The following CPED1 variants were observed in gnomAD, a reference collection of about 807,000 sequenced individuals.
CPED1 encodes cadherin like and PC-esterase domain containing 1, also known as cadherin-like and PC-esterase domain-containing protein 1.
In CPED1, 114 loss-of-function variants were observed where a neutral mutation model predicts 128.2. That is an observed-to-expected ratio of 0.89 (90% CI 0.76 to 1.04). CPED1 has a LOEUF of 1.04. Ranked by LOEUF, CPED1 falls within the 50% of genes least tolerant of loss-of-function variation. CPED1 has a pLI of 0.00. For missense variants in CPED1, 1,211 were observed against 1,207.1 expected (o/e 1.00, Z -0.05); for synonymous variants, 462 against 426.7 (o/e 1.08, Z -1.02).
chr7:121,082,503 G>A (rs1269173812), intron 5 of CPED1, among the ~76,000 whole-genome samples: 1 of 152,078 alleles, frequency 6.6e-6, no homozygotes, highest in Non-Finnish European at 1.5e-5. Flanking sequence ...TAATTATGGT[G>A]GGCTTTATGA....
chr7:121,229,189 T>C (rs1459060297), intron 16 of CPED1, among the ~76,000 whole-genome samples: 1 of 152,050 alleles, frequency 6.6e-6, no homozygotes, highest in African/African-American at 2.4e-5. Flanking sequence ...CACATGTACC[T>C]CATAAATCTG....
rs953180489 is a variant in CPED1 at position 121,218,224 on chromosome 7, A to C, written c.2056-18490A>C. ...TGGCCAGGCTGGTCTGAAACTCCTG[A>C]CCTCAGGTGATTTGTCCGTCTTGGA... On this transcript the variant is annotated intron_variant, in intron 16 of 22. Coordinates refer to ENST00000310396, the MANE Select transcript of CPED1 (RefSeq NM_024913.5). Among the ~76,000 whole-genome samples the C allele has an allele frequency of 2.7e-5, 4 of 149,850 alleles. No homozygotes were observed. The East Asian group carries it at 5.9e-4, about 22-fold the overall frequency.
intron 22 of CPED1, among the ~76,000 whole-genome samples, chr7:121,284,871 T>C (rs535422747): frequency 8.3e-4 from 127 of 152,260 alleles, no homozygotes; most frequent in African/African-American, 2.9e-3. Context: ...GATCTACCAT[T>C]CTGGGGTTTG....
chr7:121,107,992 C>G (rs868067123), intron 7 of CPED1, among the ~76,000 whole-genome samples: 8 of 152,152 alleles, frequency 5.3e-5, no homozygotes, highest in Admixed American at 6.6e-5. Flanking sequence ...TGAAATACAG[C>G]CTTTTTCCTT....
At chr7:121,288,403 C>A (rs1474213280) in intron 22 of CPED1, among the ~76,000 whole-genome samples, 1 of 152,210 alleles carries the variant, frequency 6.6e-6, no homozygotes, top group African/African-American at 2.4e-5. Context: ...CTATAAAAGT[C>A]ATTAGCCTGG....
chr7:121,041,738 C>T (rs569826991), intron 3 of CPED1, among the ~76,000 whole-genome samples: 1 of 152,244 alleles, frequency 6.6e-6, no homozygotes, highest in East Asian at 1.9e-4. Context: ...AAAACAAAAA[C>T]CTCTAAAAAT....
intron 18 of CPED1, among the ~76,000 whole-genome samples, chr7:121,252,621 GA>G (rs1301678631): frequency 6.6e-5 from 10 of 151,686 alleles, no homozygotes; most frequent in Non-Finnish European, 1.3e-4. Context: ...AAATTTACCA[GA>G]AAAAAACAAC....
At position 121,186,196 on chromosome 7, in the gene CPED1, G is replaced by C. The variant is rs1584579219; in HGVS notation, c.2055+44055G>C. ...ATAGGGAGACAAACTTGCAAATCTT[G>C]TCCATACTTTTATCACAGCCCTTTA... On this transcript the variant is annotated intron_variant, in intron 16 of 22. Coordinates refer to ENST00000310396, the MANE Select transcript of CPED1 (RefSeq NM_024913.5). 2.0e-5 allele frequency among the ~76,000 whole-genome samples: 3 copies of C among 152,196 alleles called. No individual in the cohort carries two copies. The South Asian group carries it at 6.2e-4, about 32-fold the overall frequency.
At chr7:121,121,649 G>A (rs1169185875) in intron 7 of CPED1, among the ~76,000 whole-genome samples, 1 of 152,182 alleles carries the variant, frequency 6.6e-6, no homozygotes, top group Admixed American at 6.5e-5. Flanking sequence ...ATAAGGAGAG[G>A]AAGAAGTCTC....
At chr7:121,167,763 G>A (rs1327628872) in intron 16 of CPED1, among the ~76,000 whole-genome samples, 1 of 119,246 alleles carries the variant, frequency 8.4e-6, no homozygotes. Flanking sequence ...ATGGAGTCTC[G>A]CTCTGTTGCC....
intron 1 of CPED1, 42 bp from the exon 2 acceptor site, chr7:120,989,349 T>C (rs1034300026): frequency 4.8e-6 from 2 of 419,586 alleles, no homozygotes; most frequent in African/African-American, 4.0e-5. Flanking sequence ...CTCAGGTTAT[T>C]CGTTACAACT....
At chr7:121,103,068 A>G (rs760527788) in intron 7 of CPED1, among the ~76,000 whole-genome samples, 2 of 152,098 alleles carry the variant, frequency 1.3e-5, no homozygotes, top group Non-Finnish European at 2.9e-5. Flanking sequence ...AATTTTTATG[A>G]TAGTTTTTAT....
chr7:121,096,216 T>C (rs1794695176), intron 5 of CPED1, among the ~76,000 whole-genome samples: 1 of 152,144 alleles, frequency 6.6e-6, no homozygotes, highest in Non-Finnish European at 1.5e-5. Context: ...AAGTAAGTTA[T>C]CATTTTTGGA....
intron 5 of CPED1, among the ~76,000 whole-genome samples, chr7:121,082,130 G>A (rs1794310045): frequency 6.6e-6 from 1 of 152,172 alleles, no homozygotes; most frequent in Non-Finnish European, 1.5e-5. Context: ...ATATAGTCAT[G>A]CAACTTTGGG....
chr7:120,996,163 C>A (rs1471670077), intron 2 of CPED1, among the ~76,000 whole-genome samples: 1 of 151,926 alleles, frequency 6.6e-6, no homozygotes, highest in Non-Finnish European at 1.5e-5. Flanking sequence ...GTGCCTGGAG[C>A]CCCCCAGCTA....
intron 14 of CPED1, among the ~76,000 whole-genome samples, chr7:121,139,831 C>CT (rs1294723292): frequency 2.0e-5 from 3 of 151,984 alleles, no homozygotes; most frequent in Non-Finnish European, 1.5e-5. Flanking sequence ...TCTGTGTTAT[C>CT]TTTTTTGTTG....
At chr7:121,130,575 G>A (rs1795637742) in intron 12 of CPED1, among the ~76,000 whole-genome samples, 1 of 152,022 alleles carries the variant, frequency 6.6e-6, no homozygotes, top group Non-Finnish European at 1.5e-5. Flanking sequence ...TTCCTTCAGT[G>A]ATATATATTC....
intron 16 of CPED1, among the ~76,000 whole-genome samples, chr7:121,193,474 C>T (rs922363132): frequency 2.0e-5 from 3 of 152,070 alleles, no homozygotes; most frequent in Admixed American, 6.6e-5. Context: ...CCTACTGGGT[C>T]GCTTCAACTA....
chr7:121,252,233 A>G (rs1053152709), intron 18 of CPED1, among the ~76,000 whole-genome samples: 1 of 151,742 alleles, frequency 6.6e-6, no homozygotes, highest in African/African-American at 2.4e-5. Context: ...CTATTTAATA[A>G]ATGATACTGG....
Sources: allele counts gnomAD v4.1 joint callset (sites outside exome capture counted in the v4.1 genomes callset), GRCh38; gene constraint gnomAD v4.1.1; transcripts MANE v1.5; gene names NCBI Gene and HGNC (gene_info 2026-07-23, HGNC 2026-07-21).